DDX5: variants seen among roughly 807,000 people sequenced by gnomAD.
DDX5 encodes probable ATP-dependent RNA helicase DDX5.
A neutral mutation model predicts 68.6 loss-of-function variants in DDX5; 6 were observed. The ratio of observed to expected loss-of-function variants is 0.09; its 90% CI spans 0.05 to 0.17. The LOEUF (loss-of-function observed/expected upper bound fraction) is 0.17, where lower values mean the gene tolerates loss of function less well. Ranked by LOEUF, DDX5 falls within the 10% of genes least tolerant of loss-of-function variation. The probability of loss-of-function intolerance (pLI) is 1.00; values close to 1 mark genes in which losing one functional copy is unlikely to be tolerated. For synonymous variants in DDX5, 350 were observed against 247.0 expected (o/e 1.42, Z -3.91); for missense variants, 499 against 756.1 (o/e 0.66, Z 3.99).
intron 1 of DDX5, chr17:64,505,803 T>G: frequency 6.5e-7 from 1 of 1,535,978 alleles, no homozygotes; most frequent in South Asian, 1.2e-5. Flanking sequence ...CACAATACGC[T>G]CCCTCTCAAC....
chr17:64,505,982 A>T, intron 1 of DDX5, 94 bp downstream of exon 1: 1 of 1,542,228 alleles, frequency 6.5e-7, no homozygotes, highest in Non-Finnish European at 8.7e-7. Context: ...CGGAAAGGCC[A>T]AGTCCAAGCC....
At chr17:64,506,844 G>A (rs918171997), upstream of DDX5, 117 of 606,564 alleles carry the variant, frequency 1.9e-4, no homozygotes, top group East Asian at 3.2e-3. Flanking sequence ...CCTTTGACGG[G>A]TTTTGGTCGG....
At position 64,506,158 on chromosome 17, in the gene DDX5, A is replaced by G. The variant is rs1555672564; in HGVS notation, c.-39T>C. On this transcript the variant is annotated 5_prime_UTR_variant, in exon 1 of 13. Coordinates refer to ENST00000225792, the MANE Select transcript of DDX5 (RefSeq NM_004396.5). ...GCGGTTGGCGGGGAACGAAGTATAT[A>G]GAAAAGCGTGCGACAAGTCGCTGGA... 3.1e-6 allele frequency: 5 copies of G among 1,604,120 alleles called. No individual in the cohort carries two copies. Among genetic ancestry groups the G allele is most frequent in the African/African-American group, 1.3e-5 (1 of 74,818 alleles).
rs781955211 is a variant in DDX5, at chr17:64,500,067, G to A, written c.1701C>T (p.Tyr567=). Residue 567 remains tyrosine, a synonymous_variant, in exon 13 of 13, where the codon TAC becomes TAT. Transcript: ENST00000225792. ...SFRTGNPTGT[Y]QNGYDSTQQY... ...GCTGAGTGCTATCATAACCATTCTG[G>A]TAAGTCCCTGTTGGATTACCAGTCC... The A allele has an allele frequency of 9.9e-6, 16 of 1,614,022 alleles. No homozygotes were observed. Among genetic ancestry groups the A allele is most frequent in the African/African-American group, 1.3e-5 (1 of 74,906 alleles).
chr17:64,505,575 G>GT, intron 1 of DDX5: 3 of 714,838 alleles, frequency 4.2e-6, no homozygotes, highest in Non-Finnish European at 7.2e-6. Context: ...GCCGGGCGGG[G>GT]TAACAAAGGC....
At chr17:64,505,569 G>A (rs931501094) in intron 1 of DDX5, 4 of 680,614 alleles carry the variant, frequency 5.9e-6, no homozygotes, top group African/African-American at 5.4e-5. Flanking sequence ...TCCTCCGCCG[G>A]GCGGGGTAAC....
At chr17:64,504,178 GGAAACAAAAACACGGGTAGGTA>G in intron 3 of DDX5, 22 bp downstream of exon 3, 1 of 1,612,298 alleles carries the variant, frequency 6.2e-7, no homozygotes, top group Non-Finnish European at 8.5e-7. Context: ...GGGGGTAGGT[GGAAACAAAAACACGGGTAGGTA>G]GAACTGAAAA....
At position 64,498,542 on chromosome 17, in the gene DDX5, T is replaced by C. The variant is rs143182435; in HGVS notation, c.*1381A>G. Among the ~76,000 whole-genome samples, 982 of 152,374 alleles carry C rather than the reference T, an allele frequency of 6.4e-3. 42 individuals carry two copies. Among genetic ancestry groups the C allele is most frequent in the Admixed American group, 0.055 (841 of 15,310 alleles). On this transcript the variant is annotated 3_prime_UTR_variant, in exon 13 of 13. Transcript: ENST00000225792. ...GAAAACCATCCAGGTTACTACAGGC[T>C]GAATTAGTTTTCAATGTCTAAGTCC...
At chr17:64,504,551 C>T (rs1555671757) in intron 2 of DDX5, 126 bp downstream of exon 2, 1 of 1,204,340 alleles carries the variant, frequency 8.3e-7, no homozygotes, top group African/African-American at 1.5e-5. Context: ...CACACCTTTC[C>T]CAATTATGAA....
At chr17:64,506,292 C>A, upstream of DDX5, 1 of 1,523,242 alleles carries the variant, frequency 6.6e-7, no homozygotes, top group East Asian at 2.5e-5. Context: ...AATGAGGTGC[C>A]GGCCGCTTTC....
At chr17:64,503,607 G>C in intron 5 of DDX5, 36 bp from the exon 6 acceptor site, 1 of 1,609,768 alleles carries the variant, frequency 6.2e-7, no homozygotes, top group Admixed American at 1.7e-5. Flanking sequence ...CACAAACCTG[G>C]ATACTAGTTT....
chr17:64,506,238 G>A lies in DDX5; in HGVS notation c.-119C>T. 5 of 1,550,870 alleles carry A rather than the reference G, an allele frequency of 3.2e-6. No homozygotes were observed. Among genetic ancestry groups the A allele is most frequent in the Non-Finnish European group, 4.4e-6 (5 of 1,148,088 alleles). On this transcript the variant is annotated 5_prime_UTR_variant, in exon 1 of 13. Transcript: ENST00000225792. ...GGGGCGGCAGCGGAGGAAGGACACC[G>A]ATGACACCAGCCGAAGCTGCACTAC... is the stretch of plus-strand genomic sequence containing the variant.
chr17:64,502,581 G>C (rs782157394), intron 8 of DDX5, 32 bp from the exon 9 acceptor site: 1 of 1,520,004 alleles, frequency 6.6e-7, no homozygotes, highest in East Asian at 2.2e-5. Context: ...GAAAAATCCT[G>C]AGTTTTAAAA....
intron 8 of DDX5, 149 bp from the exon 9 acceptor site, chr17:64,502,698 G>C (rs533855328): frequency 2.7e-6 from 2 of 727,866 alleles, no homozygotes; most frequent in African/African-American, 1.8e-5. Flanking sequence ...CGAGCAGTTC[G>C]ACCCTTGGTC....
At position 64,498,804 on chromosome 17, in the gene DDX5, A is replaced by T. The variant is rs1231114425; in HGVS notation, c.*1119T>A. Reference sequence around the variant, plus strand: ...ACGTTGGTGAGCCGAAGTTAAACCTAAAGCTATCCCCTGGATCTTTCTAGC... The same window carrying T: ...ACGTTGGTGAGCCGAAGTTAAACCTTAAGCTATCCCCTGGATCTTTCTAGC... On this transcript the variant is annotated 3_prime_UTR_variant, in exon 13 of 13. Transcript: ENST00000225792. 6.6e-6 allele frequency among the ~76,000 whole-genome samples: 1 copy of T among 152,232 alleles called. No individual in the cohort carries two copies. The highest frequency in any genetic ancestry group is 2.4e-5 in the African/African-American group (1 of 41,462).
intron 1 of DDX5, chr17:64,505,728 C>A (rs1555672217): frequency 3.9e-6 from 6 of 1,536,008 alleles, no homozygotes; most frequent in South Asian, 1.2e-5. Context: ...CCCAAAAACA[C>A]CTCCCGAAAC....
chr17:64,501,565 T>A (rs781953144), intron 11 of DDX5: 16 of 171,294 alleles, frequency 9.3e-5, no homozygotes, highest in Admixed American at 3.5e-4. Context: ...TGGAACTACT[T>A]CTTCGACATT....
In DDX5 at chr17:64,503,118, A is replaced by G. The variant is rs782646563; in HGVS notation, c.811-20T>C. ...ATCAGGCTAATGGATTTTGGGGGGA[A>G]AAATTAGTATCAGACTCTTAAGAGT... On this transcript the variant is annotated intron_variant, in intron 7 of 12. Transcript: ENST00000225792. 7 of 1,611,418 alleles carry G rather than the reference A, an allele frequency of 4.3e-6. No individual in the cohort carries two copies. The Admixed American group carries it at 5.0e-5, about 12-fold the overall frequency.
Position 64,499,654 on chromosome 17 carries a change from G to A in DDX5, c.*269C>T, listed in dbSNP as rs1254155188. The A allele has an allele frequency of 2.9e-6, 1 of 347,118 alleles. No individual in the cohort carries two copies. The highest frequency in any genetic ancestry group is 4.3e-5 in the East Asian group (1 of 23,378). The allele number at this position is 347,118 out of a possible 1,614,324, so 21.5% of individuals were successfully genotyped here. On this transcript the variant is annotated 3_prime_UTR_variant, in exon 13 of 13. Transcript: ENST00000225792. Reference sequence around the variant, plus strand: ...CAAATATTTTTTATTGGAAGGCCATGCATTGCCTTCATTTATTGTATTTCA... The same window carrying A: ...CAAATATTTTTTATTGGAAGGCCATACATTGCCTTCATTTATTGTATTTCA...
Sources: allele counts gnomAD v4.1 joint callset (sites outside exome capture counted in the v4.1 genomes callset), GRCh38; gene constraint gnomAD v4.1.1; transcripts MANE v1.5; gene names NCBI Gene and HGNC (gene_info 2026-07-23, HGNC 2026-07-21).